The following TOM1L1 variants were observed in gnomAD, a reference collection of about 807,000 sequenced individuals.
The protein encoded by TOM1L1 is TOM1-like protein 1.
A neutral mutation model predicts 63.4 loss-of-function variants in TOM1L1; 64 were observed. That is an observed-to-expected ratio of 1.01 (90% CI 0.83 to 1.24). The LOEUF is 1.24. TOM1L1 is among the 50% of genes most tolerant of loss of function. The pLI is 0.00. For missense variants in TOM1L1, 536 were observed against 567.0 expected, an observed-to-expected ratio of 0.95 and a Z score of 0.55; for synonymous variants, 166 against 194.4, an observed-to-expected ratio of 0.85 and a Z score of 1.22.
At chr17:54,937,424 G>A in intron 10 of TOM1L1, 198 bp downstream of exon 10, 3 of 554,320 alleles carry the variant, frequency 5.4e-6, no homozygotes, top group Non-Finnish European at 9.7e-6. Context: ...TCTGGGCGAG[G>A]AGGTCCTTGA....
At chr17:54,952,428 TC>T (rs1393197304) in intron 14 of TOM1L1, 1 of 150,812 alleles carries the variant, frequency 6.6e-6, no homozygotes, top group East Asian at 2.0e-4. Flanking sequence ...GCACCTGTAG[TC>T]CCAGCTACTC....
rs747158135 is a variant in TOM1L1, at chr17:54,905,509, C to T, written c.164C>T (p.Ala55Val). ...TATAGGCCAAAAGATGCAGTGAAAG[C>T]TTTGAAGAAAAGGATTTCCAAAAAC... is the stretch of plus-strand genomic sequence containing the variant. ...TQDGPKDAVK[A>V]LKKRISKNYN... The change falls in exon 3 of 16, where the codon GCT (alanine) becomes GTT (valine). Residue 55 changes from alanine (A) to valine (V), a missense_variant. Coordinates refer to ENST00000575882, the MANE Select transcript of TOM1L1 (RefSeq NM_005486.3). 1 of 1,611,868 alleles carries T rather than the reference C, an allele frequency of 6.2e-7. No individual in the cohort carries two copies. Among genetic ancestry groups the T allele is most frequent in the African/African-American group, 1.3e-5 (1 of 74,842 alleles).
chr17:54,955,284 T>C (rs778499815), intron 14 of TOM1L1: 3 of 152,220 alleles, frequency 2.0e-5, no homozygotes, highest in Non-Finnish European at 4.4e-5. Flanking sequence ...ATGGAGACAA[T>C]GAAGTAGTTC....
chr17:54,937,391 A>T, intron 10 of TOM1L1, 165 bp downstream of exon 10: 1 of 623,568 alleles, frequency 1.6e-6, no homozygotes. Flanking sequence ...GTTGAGTCAA[A>T]CCCAGTATAG....
chr17:54,900,980 T>G (rs1006858532), intron 1 of TOM1L1, 57 bp downstream of exon 1: 2 of 1,609,152 alleles, frequency 1.2e-6, no homozygotes, highest in Non-Finnish European at 1.7e-6. Context: ...GATCCTTTCC[T>G]GCTTGATCCA....
intron 11 of TOM1L1, among the ~76,000 whole-genome samples, chr17:54,945,592 G>C (rs2049105232): frequency 6.6e-6 from 1 of 151,836 alleles, no homozygotes; most frequent in Admixed American, 6.6e-5. Context: ...GTTTAGATTG[G>C]ACACTTTCTG....
intron 8 of TOM1L1, 158 bp downstream of exon 8, chr17:54,930,364 T>A: frequency 1.1e-6 from 1 of 921,308 alleles, no homozygotes; most frequent in Non-Finnish European, 1.6e-6. Flanking sequence ...CAGTTTTCCC[T>A]TGTACAGCTC....
At chr17:54,956,034 A>G (rs1015466561) in intron 14 of TOM1L1, among the ~76,000 whole-genome samples, 4 of 152,154 alleles carry the variant, frequency 2.6e-5, no homozygotes, top group African/African-American at 9.7e-5. Flanking sequence ...CCTATAAGGG[A>G]GGTCAAGTCA....
At chr17:54,912,861 G>T in intron 4 of TOM1L1, 46 bp downstream of exon 4, 2 of 1,447,542 alleles carry the variant, frequency 1.4e-6, no homozygotes, top group Non-Finnish European at 9.1e-7. Context: ...TCTAAGATTA[G>T]GGATTTAATA....
intron 10 of TOM1L1, among the ~76,000 whole-genome samples, chr17:54,938,242 C>T (rs1208872476): frequency 6.6e-6 from 1 of 151,990 alleles, no homozygotes; most frequent in Non-Finnish European, 1.5e-5. Context: ...ACCTATAATC[C>T]CAGCACTTTG....
chr17:54,951,844 AC>A (rs1406234263), intron 14 of TOM1L1: 1 of 152,032 alleles, frequency 6.6e-6, no homozygotes, highest in African/African-American at 2.4e-5. Flanking sequence ...CACCCAAAAA[AC>A]CCAGGGTTCA....
At chr17:54,946,026 T>C (rs369674275) in intron 11 of TOM1L1, among the ~76,000 whole-genome samples, 51 of 152,358 alleles carry the variant, frequency 3.3e-4, no homozygotes, top group Admixed American at 9.2e-4. Context: ...GATTTTAGCA[T>C]GTAAACAACC....
In TOM1L1 at chr17:54,951,907, A is replaced by G. The variant is rs58896794; in HGVS notation, c.1370+1781A>G. The stretch of plus-strand genomic sequence containing the variant: ...ACTCTCCACAAGGACACAGGTTTTG[A>G]TCAATAGGAATTTTATTACTTAGCA... On this transcript the variant is annotated intron_variant, in intron 14 of 15. Transcript: ENST00000575882. The G allele has an allele frequency of 2.0e-5, 3 of 152,180 alleles. 1 individual carries two copies. The highest frequency in any genetic ancestry group is 4.4e-5 in the Non-Finnish European group (3 of 68,034). The allele number at this position is 152,180 out of a possible 1,614,324, so 9.4% of individuals were successfully genotyped here. A position where few individuals can be genotyped will look rare whatever the true frequency, so the allele number is the denominator to read the frequency against.
intron 7 of TOM1L1, among the ~76,000 whole-genome samples, chr17:54,928,655 G>A (rs568321046): frequency 1.3e-5 from 2 of 152,230 alleles, no homozygotes; most frequent in African/African-American, 2.4e-5. Flanking sequence ...GGCCCACAAA[G>A]CAGAAAATGT....
intron 8 of TOM1L1, among the ~76,000 whole-genome samples, chr17:54,933,490 T>G (rs2143875428): frequency 6.6e-6 from 1 of 152,326 alleles, no homozygotes; most frequent in South Asian, 2.1e-4. Flanking sequence ...CCTGACAACA[T>G]GCGCCCAAGG....
intron 15 of TOM1L1, 92 bp downstream of exon 15, chr17:54,960,719 G>A (rs916003503): frequency 1.0e-6 from 1 of 997,654 alleles, no homozygotes; most frequent in African/African-American, 1.6e-5. Flanking sequence ...AATTTTCTAA[G>A]GGCCATCTGA....
intron 14 of TOM1L1, among the ~76,000 whole-genome samples, chr17:54,951,197 T>C (rs901106824): frequency 6.6e-6 from 1 of 152,138 alleles, no homozygotes; most frequent in African/African-American, 2.4e-5. Flanking sequence ...AATACTTATA[T>C]TTACTGGTTT....
intron 10 of TOM1L1, 86 bp from the exon 11 acceptor site, chr17:54,938,838 C>A (rs1179174973): frequency 3.5e-6 from 2 of 574,814 alleles, no homozygotes; most frequent in Non-Finnish European, 5.6e-6. Flanking sequence ...TTTCTTTTTT[C>A]TTTTTTTTTG....
intron 7 of TOM1L1, 28 bp from the exon 8 acceptor site, chr17:54,930,045 G>A: frequency 2.5e-6 from 4 of 1,613,776 alleles, no homozygotes; most frequent in East Asian, 2.2e-5. Flanking sequence ...AAGTGTGGAA[G>A]AAGAAATCTC....
Sources: allele counts gnomAD v4.1 joint callset (sites outside exome capture counted in the v4.1 genomes callset), GRCh38; gene constraint gnomAD v4.1.1; transcripts MANE v1.5; gene names NCBI Gene and HGNC (gene_info 2026-07-23, HGNC 2026-07-21).